MTR: variants seen among roughly 807,000 people sequenced by gnomAD.
MTR encodes methionine synthase.
A neutral mutation model predicts 154.8 loss-of-function variants in MTR; 84 were observed. The ratio of observed to expected loss-of-function variants is 0.54; its 90% CI spans 0.45 to 0.65. MTR has a LOEUF of 0.65. Among genes scored for constraint, MTR ranks in the 30% least tolerant of loss-of-function variants. MTR has a pLI of 0.00. For missense variants in MTR, 1,275 were observed against 1,570.2 expected (o/e 0.81, Z 3.18); for synonymous variants, 554 against 553.9 (o/e 1.00, Z 0.00).
chr1:236,844,464 GT>G (rs1663451225), intron 15 of MTR, among the ~76,000 whole-genome samples: 1 of 17,982 alleles, frequency 5.6e-5, no homozygotes, highest in Non-Finnish European at 1.1e-4. Context: ...GTGTGTGTGT[GT>G]GTGTGTGTGT....
At position 236,829,398 on chromosome 1, in the gene MTR, G is replaced by A. The variant is rs114548075; in HGVS notation, c.1075+130G>A. On this transcript the variant is annotated intron_variant, in intron 12 of 32. Transcript: ENST00000366577. ...GAAGAAGAATCCATATATTCTTGGC[G>A]CTTAAATGAATTCTAGTGAAGAACC... 5.8e-3 allele frequency: 4,733 copies of A among 820,682 alleles called. 24 individuals carry two copies. The highest frequency in any genetic ancestry group is 0.011 in the Middle Eastern group (51 of 4,460). 50.8% of individuals were successfully genotyped at this position (820,682 alleles called of 1,614,324 possible).
rs571766822 is a variant in MTR at position 236,869,495 on chromosome 1, A to G, written c.2406-4278A>G. Among the ~76,000 whole-genome samples the G allele has an allele frequency of 2.8e-4, 42 of 152,262 alleles. 3 individuals carry two copies. Among genetic ancestry groups the G allele is most frequent in the African/African-American group, 9.9e-4 (41 of 41,552 alleles). On this transcript the variant is annotated intron_variant, in intron 22 of 32. Transcript: ENST00000366577. ...TTACAGGCATGAGCCTCCATACCCA[A>G]CCTCTCTTCTGAGCACTTTAAAACA...
intron 25 of MTR, among the ~76,000 whole-genome samples, chr1:236,882,185 G>A (rs1301966815): frequency 6.6e-6 from 1 of 152,150 alleles, no homozygotes; most frequent in East Asian, 1.9e-4. Flanking sequence ...CTCCATAGGA[G>A]CTTATGTCAG....
At chr1:236,897,181 C>T in intron 32 of MTR, 63 bp downstream of exon 32, 1 of 1,216,392 alleles carries the variant, frequency 8.2e-7, no homozygotes, top group Non-Finnish European at 1.2e-6. Flanking sequence ...GAACCTCTCT[C>T]ATTTTAAATG....
chr1:236,841,647 C>T (rs1203787877), intron 15 of MTR, among the ~76,000 whole-genome samples: 1 of 145,844 alleles, frequency 6.9e-6, no homozygotes, highest in African/African-American at 2.5e-5. Flanking sequence ...CTTGGTTAAT[C>T]TTTTTTTTTT....
Position 236,861,097 on chromosome 1 carries a change from C to CT in MTR, c.2044-12dup, listed in dbSNP as rs397974349. The CT allele has an allele frequency of 0.099, 112,684 of 1,140,570 alleles. 1,155 individuals carry two copies. The highest frequency in any genetic ancestry group is 0.23 in the African/African-American group (12,049 of 52,748). The allele number at this position is 1,140,570 out of a possible 1,614,324, so 70.7% of individuals were successfully genotyped here. ...ATTTTTTTTTTCTTTCTTTCTTTTT[C>CT]TTTTTTTTTTTTTTTTGTCTTTTTT... On this transcript the variant is annotated intron_variant, in intron 19 of 32. Coordinates refer to ENST00000366577, the MANE Select transcript of MTR (RefSeq NM_000254.3).
chr1:236,876,250 T>G (rs1011559021), intron 24 of MTR, among the ~76,000 whole-genome samples: 1 of 152,248 alleles, frequency 6.6e-6, no homozygotes, highest in Admixed American at 6.5e-5. Flanking sequence ...AACAGTATTA[T>G]GTGTCTTTTA....
chr1:236,852,656 T>C lies in MTR; in HGVS notation c.1812+19T>C. On this transcript the variant is annotated intron_variant, in intron 17 of 32. Coordinates refer to ENST00000366577, the MANE Select transcript of MTR (RefSeq NM_000254.3). ...AATCAAGGTATGGTAGAAGAACTCT[T>C]AGCCCTGCGGAAACCAGTTTTTAGT... The C allele has an allele frequency of 6.2e-7, 1 of 1,606,202 alleles. No homozygotes were observed. The highest frequency in any genetic ancestry group is 8.5e-7 in the Non-Finnish European group (1 of 1,172,886).
intron 4 of MTR, among the ~76,000 whole-genome samples, chr1:236,809,171 A>G (rs1475326690): frequency 6.6e-6 from 1 of 152,096 alleles, no homozygotes; most frequent in Non-Finnish European, 1.5e-5. Context: ...CATTTTTTTA[A>G]AGCCACCCTC....
intron 29 of MTR, 52 bp from the exon 30 acceptor site, chr1:236,894,305 C>G: frequency 1.9e-6 from 3 of 1,571,930 alleles, no homozygotes; most frequent in Admixed American, 1.7e-5. Flanking sequence ...GTGCTGGCGC[C>G]ACGTTCTTGC....
At chr1:236,893,242 G>A (rs940836919) in intron 29 of MTR, among the ~76,000 whole-genome samples, 5 of 152,282 alleles carry the variant, frequency 3.3e-5, no homozygotes, top group South Asian at 2.1e-4. Context: ...CCTGAGCTCT[G>A]TGACATTCCT....
intron 22 of MTR, among the ~76,000 whole-genome samples, chr1:236,869,782 C>T (rs940606391): frequency 6.6e-5 from 10 of 152,254 alleles, no homozygotes; most frequent in African/African-American, 2.4e-4. Context: ...GTGCCCTCTT[C>T]TCCGACTTCA....
intron 15 of MTR, among the ~76,000 whole-genome samples, chr1:236,839,728 G>GACA (rs925413706): frequency 6.6e-6 from 1 of 152,176 alleles, no homozygotes; most frequent in African/African-American, 2.4e-5. Flanking sequence ...TAATAAGGTT[G>GACA]AGTGTATAAG....
At chr1:236,884,760 A>C (rs1249886483) in intron 25 of MTR, among the ~76,000 whole-genome samples, 2 of 152,120 alleles carry the variant, frequency 1.3e-5, no homozygotes, top group East Asian at 3.9e-4. Flanking sequence ...GCAGAGGTCA[A>C]ACATAAGCAT....
chr1:236,900,264 C>A lies in MTR; in HGVS notation c.*2620C>A. ...ATGAGTGAACTACAGCTATACCTCA[C>A]AATAAGAATGAATCTCAGAAAATAT... On this transcript the variant is annotated 3_prime_UTR_variant, in exon 33 of 33. Transcript: ENST00000366577. The A allele has an allele frequency of 4.1e-6, 1 of 244,040 alleles. No individual in the cohort carries two copies. Among genetic ancestry groups the A allele is most frequent in the Non-Finnish European group, 8.5e-6 (1 of 117,226 alleles). The allele number at this position is 244,040 out of a possible 1,614,324, so 15.1% of individuals were successfully genotyped here.
chr1:236,860,095 T>C (rs1339486132), intron 19 of MTR, among the ~76,000 whole-genome samples, 173 bp downstream of exon 19: 2 of 53,596 alleles, frequency 3.7e-5, no homozygotes, highest in Non-Finnish European at 7.7e-5. Context: ...CCCCCCACCA[T>C]AGCACATTTG....
intron 21 of MTR, 23 bp downstream of exon 21, chr1:236,862,366 A>T: frequency 6.3e-7 from 1 of 1,592,314 alleles, no homozygotes; most frequent in Non-Finnish European, 8.6e-7. Context: ...GTTCAGGCCT[A>T]TGGGCCTTTA....
intron 15 of MTR, among the ~76,000 whole-genome samples, chr1:236,841,352 T>A (rs1572245542): frequency 6.6e-6 from 1 of 152,208 alleles, no homozygotes; most frequent in Non-Finnish European, 1.5e-5. Flanking sequence ...TTCTCACTCT[T>A]TATTTGTTTT....
intron 18 of MTR, among the ~76,000 whole-genome samples, chr1:236,859,275 A>G (rs1367547142): frequency 6.6e-6 from 1 of 152,232 alleles, no homozygotes; most frequent in Non-Finnish European, 1.5e-5. Flanking sequence ...CCATGGTAGC[A>G]ACATTAATCC....
Sources: allele counts gnomAD v4.1 joint callset (sites outside exome capture counted in the v4.1 genomes callset), GRCh38; gene constraint gnomAD v4.1.1; transcripts MANE v1.5; gene names NCBI Gene and HGNC (gene_info 2026-07-23, HGNC 2026-07-21).